Variants in LUC7L2 observed in about 807,000 individuals in gnomAD.
LUC7L2 encodes putative RNA-binding protein Luc7-like 2.
In LUC7L2, 25 loss-of-function variants were observed where a neutral mutation model predicts 52.8. The ratio of observed to expected loss-of-function variants is 0.47; its 90% CI spans 0.34 to 0.66. LUC7L2 has a LOEUF of 0.66. Ranked by LOEUF, LUC7L2 falls within the 30% of genes least tolerant of loss-of-function variation. LUC7L2 has a pLI of 0.01. For synonymous variants in LUC7L2, 144 were observed against 160.9 expected (o/e 0.89, Z 0.80); for missense variants, 328 against 497.8 (o/e 0.66, Z 3.25).
chr7:139,382,421 C>T (rs1169958108), intron 2 of LUC7L2, among the ~76,000 whole-genome samples: 1 of 151,488 alleles, frequency 6.6e-6, no homozygotes, highest in Non-Finnish European at 1.5e-5. Context: ...CTCTCCCTGT[C>T]ACCCAGGCTG....
At chr7:139,355,481 G>C (rs929356259), upstream of LUC7L2, among the ~76,000 whole-genome samples, 1 of 151,996 alleles carries the variant, frequency 6.6e-6, no homozygotes, top group African/African-American at 2.4e-5. Context: ...GGCCAACTCA[G>C]ATTACACAAC....
At chr7:139,392,510 A>G (rs1569382924) in intron 2 of LUC7L2, 2 of 331,862 alleles carry the variant, frequency 6.0e-6, no homozygotes, top group Non-Finnish European at 1.2e-5. Context: ...TCATGCAGTA[A>G]TGGATTCAGA....
intron 2 of LUC7L2, among the ~76,000 whole-genome samples, chr7:139,380,938 C>G (rs2131228369): frequency 6.6e-6 from 1 of 152,204 alleles, no homozygotes; most frequent in Admixed American, 6.5e-5. Flanking sequence ...AAGATGTTAA[C>G]AGAAACTTGA....
intron 2 of LUC7L2, among the ~76,000 whole-genome samples, chr7:139,395,975 T>C (rs1010945906): frequency 3.3e-5 from 5 of 152,280 alleles, no homozygotes; most frequent in South Asian, 2.1e-4. Context: ...CTTTTTTTAA[T>C]AGTCACAACA....
At chr7:139,413,397 T>C (rs935887978) in intron 8 of LUC7L2, among the ~76,000 whole-genome samples, 18 of 152,158 alleles carry the variant, frequency 1.2e-4, no homozygotes, top group African/African-American at 3.4e-4. Context: ...AGATCACATC[T>C]TCTTTTAGAA....
At chr7:139,341,953 A>G (rs1301100334) in intron 1 of LUC7L2, among the ~76,000 whole-genome samples, 2 of 152,242 alleles carry the variant, frequency 1.3e-5, no homozygotes. Context: ...TAGAAAAGTT[A>G]TTCTAAGAAG....
chr7:139,376,223 C>T, intron 2 of LUC7L2, 67 bp downstream of exon 2: 1 of 1,510,876 alleles, frequency 6.6e-7, no homozygotes. Flanking sequence ...TTGATAAAGT[C>T]TTAATTCTGT....
chr7:139,350,670 A>G (rs1585063110), intron 1 of LUC7L2, among the ~76,000 whole-genome samples: 1 of 140,188 alleles, frequency 7.1e-6, no homozygotes, highest in African/African-American at 2.8e-5. Context: ...CTTTGATGAC[A>G]CCACATTCTT....
At chr7:139,358,552 CTA>C (rs1799693635), upstream of LUC7L2, among the ~76,000 whole-genome samples, 1 of 152,172 alleles carries the variant, frequency 6.6e-6, no homozygotes, top group Non-Finnish European at 1.5e-5. Flanking sequence ...ACACAAATCT[CTA>C]TTATGTCCTT....
At chr7:139,350,939 G>A (rs1437746895) in intron 1 of LUC7L2, among the ~76,000 whole-genome samples, 1 of 152,092 alleles carries the variant, frequency 6.6e-6, no homozygotes, top group Non-Finnish European at 1.5e-5. Context: ...CTCCCAAAGT[G>A]CTGAGATTAC....
At chr7:139,355,112 A>T (rs1162543685), upstream of LUC7L2, among the ~76,000 whole-genome samples, 3 of 66,134 alleles carry the variant, frequency 4.5e-5, no homozygotes, top group African/African-American at 4.2e-4. Context: ...TCTCCTGCGT[A>T]GATCTCCCAA....
chr7:139,403,527 C>A (rs1413836354), intron 4 of LUC7L2, among the ~76,000 whole-genome samples: 1 of 151,604 alleles, frequency 6.6e-6, no homozygotes, highest in African/African-American at 2.4e-5. Context: ...TCTGAAAATT[C>A]TCTGAAGATG....
At chr7:139,353,533 G>A (rs1438674683) in intron 1 of LUC7L2, among the ~76,000 whole-genome samples, 2 of 152,040 alleles carry the variant, frequency 1.3e-5, no homozygotes, top group African/African-American at 2.4e-5. Context: ...ATGAATACAT[G>A]GTTACTACAC....
At chr7:139,393,789 C>CAG in intron 2 of LUC7L2, among the ~76,000 whole-genome samples, 1 of 152,238 alleles carries the variant, frequency 6.6e-6, no homozygotes, top group Non-Finnish European at 1.5e-5. Flanking sequence ...AGCACAGTGC[C>CAG]AGAGTAGATG....
intron 1 of LUC7L2, chr7:139,346,410 T>C (rs1473366252): frequency 1.3e-5 from 2 of 152,170 alleles, no homozygotes; most frequent in African/African-American, 2.4e-5. Context: ...TTCCTACACA[T>C]ATACAATTAT....
intron 1 of LUC7L2, chr7:139,346,382 G>A (rs1306100973): frequency 1.3e-5 from 2 of 152,012 alleles, no homozygotes; most frequent in African/African-American, 4.8e-5. Context: ...ACAGTTTGAT[G>A]TGCATCTTTC....
At chr7:139,360,498 G>C (rs1799817959) in intron 1 of LUC7L2, among the ~76,000 whole-genome samples, 176 bp downstream of exon 1, 1 of 152,234 alleles carries the variant, frequency 6.6e-6, no homozygotes, top group Non-Finnish European at 1.5e-5. Context: ...GGGCAGGGGG[G>C]GCGGTGACCA....
At chr7:139,407,034 T>A in intron 5 of LUC7L2, 140 bp from the exon 6 acceptor site, 20 of 290,680 alleles carry the variant, frequency 6.9e-5, no homozygotes, top group Non-Finnish European at 8.3e-5. Flanking sequence ...AGCTGGAGTC[T>A]CGCCCCAGTG....
chr7:139,358,079 C>T (rs550614605), upstream of LUC7L2, among the ~76,000 whole-genome samples: 48 of 152,254 alleles, frequency 3.2e-4, no homozygotes, highest in South Asian at 3.5e-3. Flanking sequence ...ATAATCTCGG[C>T]TTACTGCAAC....
Sources: allele counts gnomAD v4.1 joint callset (sites outside exome capture counted in the v4.1 genomes callset), GRCh38; gene constraint gnomAD v4.1.1; transcripts MANE v1.5; gene names NCBI Gene and HGNC (gene_info 2026-07-23, HGNC 2026-07-21).